RNASET2: variants seen among roughly 807,000 people sequenced by gnomAD.
The protein encoded by RNASET2 is ribonuclease T2.
In RNASET2, 28 loss-of-function variants were observed where a neutral mutation model predicts 33.9. The ratio of observed to expected loss-of-function variants is 0.83; its 90% CI spans 0.61 to 1.13. The LOEUF (loss-of-function observed/expected upper bound fraction) is 1.13, where lower values mean the gene tolerates loss of function less well. Ranked by LOEUF, RNASET2 falls within the 50% of genes most tolerant of loss-of-function variation. The pLI is 0.00. For missense variants in RNASET2, 330 were observed against 319.9 expected, an observed-to-expected ratio of 1.03 and a Z score of -0.24; for synonymous variants, 123 against 121.0, an observed-to-expected ratio of 1.02 and a Z score of -0.11.
At chr6:166,932,695 G>C (rs1056530788) in intron 7 of RNASET2, 1 of 152,228 alleles carries the variant, frequency 6.6e-6, no homozygotes, top group Non-Finnish European at 1.5e-5. Context: ...TATCCACCGT[G>C]CTGTTTCTGA....
chr6:166,943,134 TA>T, intron 4 of RNASET2, 45 bp from the exon 5 acceptor site: 1 of 1,437,484 alleles, frequency 7.0e-7, no homozygotes, highest in East Asian at 2.3e-5. Context: ...TTCTTAATAA[TA>T]AACTCAAAAC....
In RNASET2 at chr6:166,934,175, G is replaced by T. The variant is rs77834464; in HGVS notation, c.447-39C>A. The stretch of plus-strand genomic sequence containing the variant: ...TTAAAAAAGTTAGCTGTATAATGAA[G>T]GTCCACTTTGCTTTCTTGTTCTTTT... On this transcript the variant is annotated intron_variant, in intron 6 of 8. Coordinates refer to ENST00000508775, the MANE Select transcript of RNASET2 (RefSeq NM_003730.6). 10 of 1,315,770 alleles carry T rather than the reference G, an allele frequency of 7.6e-6. No homozygotes were observed. In the East Asian group the frequency reaches 2.1e-4, roughly 27 times the overall value. 81.5% of individuals were successfully genotyped at this position (1,315,770 alleles called of 1,614,324 possible).
At position 166,928,107 on chromosome 6, in the gene RNASET2, A is replaced by T. The variant is rs1242623004; in HGVS notation, c.*1481T>A. On this transcript the variant is annotated 3_prime_UTR_variant, in exon 9 of 9. Transcript: ENST00000508775. ...GACTGCTTCCATCAAATCCCCCATCATCTCACTCTGTCTGTCTGCAGAAGC... is the reference window on the plus strand; with the variant it reads ...GACTGCTTCCATCAAATCCCCCATCTTCTCACTCTGTCTGTCTGCAGAAGC... Among the ~76,000 whole-genome samples, 1 of 152,184 alleles carries T rather than the reference A, an allele frequency of 6.6e-6. No individual in the cohort carries two copies. Among genetic ancestry groups the T allele is most frequent in the Non-Finnish European group, 1.5e-5 (1 of 68,034 alleles).
chr6:166,952,743 G>A (rs1779017040), intron 1 of RNASET2, 195 bp from the exon 2 acceptor site: 2 of 590,912 alleles, frequency 3.4e-6, no homozygotes, highest in Non-Finnish European at 6.2e-6. Context: ...ACGTGTGGTG[G>A]CGTCCAGTGC....
chr6:166,927,334 G>A lies in RNASET2; in HGVS notation c.*2254C>T, dbSNP rs1306751092. Among the ~76,000 whole-genome samples the A allele has an allele frequency of 6.6e-6, 1 of 152,064 alleles. No individual in the cohort carries two copies. The highest frequency in any genetic ancestry group is 1.5e-5 in the Non-Finnish European group (1 of 68,010). On this transcript the variant is annotated 3_prime_UTR_variant, in exon 9 of 9. Transcript: ENST00000508775. ...AAAATAGGAATATTAAGAGAGCCAAGCATTTGCTTGTGCTCATGTTTTGAA... is the reference window on the plus strand; with the variant it reads ...AAAATAGGAATATTAAGAGAGCCAAACATTTGCTTGTGCTCATGTTTTGAA...
chr6:166,955,719 G>A, intron 1 of RNASET2: 2 of 1,109,514 alleles, frequency 1.8e-6, no homozygotes, highest in Non-Finnish European at 2.2e-6. Context: ...ACCCCGGGGA[G>A]TGTTCAGGGC....
chr6:166,950,352 C>A (rs1198329343), intron 2 of RNASET2, among the ~76,000 whole-genome samples: 1 of 152,222 alleles, frequency 6.6e-6, no homozygotes, highest in African/African-American at 2.4e-5. Flanking sequence ...GGCAAGGAAA[C>A]AGCAGCAGGA....
chr6:166,943,524 C>T (rs555634014), intron 4 of RNASET2: 1 of 327,068 alleles, frequency 3.1e-6, no homozygotes, highest in Non-Finnish European at 5.9e-6. Flanking sequence ...ATGAGATTCG[C>T]GGTTGCTTGG....
chr6:166,940,424 T>C (rs1363110853), intron 5 of RNASET2, among the ~76,000 whole-genome samples: 2 of 152,224 alleles, frequency 1.3e-5, no homozygotes, highest in Admixed American at 6.5e-5. Flanking sequence ...AGTAACTGTC[T>C]TCATCTAGAA....
At chr6:166,952,143 G>T (rs1333898730) in intron 2 of RNASET2, among the ~76,000 whole-genome samples, 2 of 152,194 alleles carry the variant, frequency 1.3e-5, no homozygotes, top group Non-Finnish European at 2.9e-5. Context: ...GAGGACCACG[G>T]GTCCTTACTA....
chr6:166,955,100 T>C (rs1397740634), intron 1 of RNASET2, among the ~76,000 whole-genome samples: 1 of 152,184 alleles, frequency 6.6e-6, no homozygotes, highest in Non-Finnish European at 1.5e-5. Context: ...ATTCAAATAT[T>C]GGTATCTTCC....
intron 2 of RNASET2, among the ~76,000 whole-genome samples, chr6:166,952,175 C>G (rs898273241): frequency 6.6e-6 from 1 of 152,220 alleles, no homozygotes; most frequent in Non-Finnish European, 1.5e-5. Context: ...AGAAACAGAA[C>G]AAACTCTCTC....
At chr6:166,953,879 C>CAAAAAAAAAAAAAAAAAA (rs548523987) in intron 1 of RNASET2, among the ~76,000 whole-genome samples, 1 of 110,736 alleles carries the variant, frequency 9.0e-6, no homozygotes, top group African/African-American at 3.3e-5. Context: ...GACCCTGTCT[C>CAAAAAAAAAAAAAAAAAA]AAAAAAAAAA....
intron 4 of RNASET2, 182 bp from the exon 5 acceptor site, chr6:166,943,271 C>A: frequency 1.9e-6 from 1 of 532,150 alleles, no homozygotes. Context: ...TCTACAAGTG[C>A]AATTTGAGTA....
rs773341203 is a variant in RNASET2 at position 166,943,123 on chromosome 6, G to A, written c.262-34C>T. The A allele has an allele frequency of 9.2e-6, 14 of 1,523,008 alleles. No homozygotes were observed. The African/African-American group carries it at 1.1e-4, about 12-fold the overall frequency. The allele number at this position is 1,523,008 out of a possible 1,614,324, so 94.3% of individuals were successfully genotyped here. A position where few individuals can be genotyped will look rare whatever the true frequency, so the allele number is the denominator to read the frequency against. ...TAAAAAATAAAATAAGTCTACGCAG[G>A]TTCTTAATAATAAACTCAAAACCTA... is the stretch of plus-strand genomic sequence containing the variant. On this transcript the variant is annotated intron_variant, in intron 4 of 8. Transcript: ENST00000508775.
intron 4 of RNASET2, chr6:166,943,318 G>C (rs1259185496): frequency 4.6e-6 from 2 of 435,614 alleles, no homozygotes; most frequent in African/African-American, 4.0e-5. Context: ...AGCTGTTATA[G>C]GTGAAGGGAT....
chr6:166,936,851 C>T (rs1378518036), intron 6 of RNASET2, among the ~76,000 whole-genome samples: 2 of 152,186 alleles, frequency 1.3e-5, no homozygotes, highest in East Asian at 3.8e-4. Context: ...TTGTTGGATA[C>T]AGAGATGAAT....
rs769621975 is a variant in RNASET2 at position 166,946,684 on chromosome 6, T to C, written c.259A>G (p.Lys87Glu). The C allele has an allele frequency of 6.6e-7, 1 of 1,514,726 alleles. No homozygotes were observed. Among genetic ancestry groups the C allele is most frequent in the East Asian group, 2.3e-5 (1 of 43,416 alleles). 93.8% of individuals were successfully genotyped at this position (1,514,726 alleles called of 1,614,324 possible). Residue 87 changes from lysine to glutamate, a missense_variant and splice_region_variant, in exon 4 of 9, where the codon AAG becomes GAG. By Grantham distance (56) the Lys-to-Glu change is moderately conservative (BLOSUM62 1). Transcript: ENST00000508775. ...RSWPFNLEEI[K>E]DLLPEMRAYW... ...GAAATATAATTAAAAGTCAATACCT[T>C]AATCTCTTCTAAATTGAAGGGCCAC...
chr6:166,956,194 G>C lies in RNASET2; in HGVS notation c.-12C>G, dbSNP rs541060329. 96 of 1,546,922 alleles carry C rather than the reference G, an allele frequency of 6.2e-5. No individual in the cohort carries two copies. The African/African-American group carries it at 1.3e-3, about 21-fold the overall frequency. ...GCTGCAGGGCGCATGGTGCCGACCT[G>C]CGGAGAGAACGCTGCCAGCTGCCGC... On this transcript the variant is annotated 5_prime_UTR_variant, in exon 1 of 9. Coordinates refer to ENST00000508775, the MANE Select transcript of RNASET2 (RefSeq NM_003730.6).
Sources: gnomAD v4.1 joint callset for allele counts (sites outside exome capture counted in the v4.1 genomes callset) on GRCh38, gnomAD v4.1.1 for gene constraint, MANE v1.5 for transcripts, NCBI Gene and HGNC (gene_info 2026-07-23, HGNC 2026-07-21) for gene names.